The following BMP7 variants were observed in gnomAD, a reference collection of about 807,000 sequenced individuals.
BMP7 encodes osteogenic protein 1.
Under a neutral mutation model 41.2 loss-of-function variants are expected in BMP7, and 12 were observed. The observed-to-expected ratio is 0.29, with a 90% CI of 0.19 to 0.47. BMP7 has a LOEUF of 0.47. Ranked by LOEUF, BMP7 falls within the 20% of genes least tolerant of loss-of-function variation. The pLI is 0.99. For synonymous variants in BMP7, 248 were observed against 250.0 expected (o/e 0.99, Z 0.07); for missense variants, 467 against 606.0 (o/e 0.77, Z 2.41).
rs553542527 is a variant in BMP7 at position 57,191,248 on chromosome 20, A to G, written c.761-7329T>C. 1.2e-4 allele frequency among the ~76,000 whole-genome samples: 18 copies of G among 152,290 alleles called. No individual in the cohort carries two copies. In the South Asian group the frequency reaches 3.7e-3, roughly 32 times the overall value. ...AGATTCATTTACTGAACACGTGTTC[A>G]TGCCTCGGGTACTGAGCCCAGCACT... is the stretch of plus-strand genomic sequence containing the variant. On this transcript the variant is annotated intron_variant, in intron 3 of 6. Transcript: ENST00000395863.
intron 1 of BMP7, among the ~76,000 whole-genome samples, chr20:57,260,724 T>C (rs933691977): frequency 9.2e-5 from 14 of 152,252 alleles, no homozygotes; most frequent in African/African-American, 3.1e-4. Context: ...CGCACATTCC[T>C]TCTGACAATA....
intron 2 of BMP7, among the ~76,000 whole-genome samples, chr20:57,211,089 G>A (rs1246734699): frequency 4.6e-5 from 7 of 152,186 alleles, no homozygotes; most frequent in South Asian, 2.1e-4. Flanking sequence ...GGAATCACCC[G>A]GCTGGTGGCC....
chr20:57,265,042 A>AAAAAAAAAAAAAAAG (rs1555819055), intron 1 of BMP7, among the ~76,000 whole-genome samples: 29 of 120,132 alleles, frequency 2.4e-4, no homozygotes, highest in Non-Finnish European at 4.0e-4. Context: ...AAAAAAAAAA[A>AAAAAAAAAAAAAAAG]AAAAGAAAAG....
intron 2 of BMP7, among the ~76,000 whole-genome samples, chr20:57,207,779 G>A (rs2123095426): frequency 6.7e-6 from 1 of 150,138 alleles, no homozygotes; most frequent in South Asian, 2.1e-4. Flanking sequence ...AACTGAAATA[G>A]GAAGGTCTTT....
chr20:57,233,939 C>G (rs999830706), intron 1 of BMP7, among the ~76,000 whole-genome samples: 2 of 152,170 alleles, frequency 1.3e-5, no homozygotes, highest in Non-Finnish European at 2.9e-5. Flanking sequence ...GTTACAAACA[C>G]GAGAAAACAG....
intron 2 of BMP7, among the ~76,000 whole-genome samples, chr20:57,204,741 C>T (rs981758978): frequency 2.6e-5 from 4 of 152,198 alleles, no homozygotes; most frequent in Admixed American, 6.5e-5. Context: ...CACAGATGGG[C>T]GCAGGAGTCA....
rs1600724833 is a variant in BMP7, at chr20:57,169,583, A to G, written c.*1376T>C. 6.6e-6 allele frequency: 1 copy of G among 152,148 alleles called. No homozygotes were observed. The highest frequency in any genetic ancestry group is 1.9e-4 in the East Asian group (1 of 5,182). 9.4% of individuals were successfully genotyped at this position (152,148 alleles called of 1,614,324 possible). On this transcript the variant is annotated 3_prime_UTR_variant, in exon 7 of 7. Transcript: ENST00000395863. ...CATCTCCCCCTTAATTCAAGGAGCAAATTTGTTTGCAGAGACTTCTGATCA... is the reference window on the plus strand; with the variant it reads ...CATCTCCCCCTTAATTCAAGGAGCAGATTTGTTTGCAGAGACTTCTGATCA...
At chr20:57,246,370 C>T (rs1356867252) in intron 1 of BMP7, among the ~76,000 whole-genome samples, 4 of 152,194 alleles carry the variant, frequency 2.6e-5, no homozygotes, top group Admixed American at 2.6e-4. Context: ...CTTTGATAAG[C>T]AAAGATACAG....
intron 4 of BMP7, among the ~76,000 whole-genome samples, chr20:57,182,886 G>A (rs769031056): frequency 5.9e-5 from 9 of 152,132 alleles, no homozygotes; most frequent in Admixed American, 1.3e-4. Flanking sequence ...AAAACCTATC[G>A]TAAATAAACA....
rs182730330 is a variant in BMP7 at position 57,215,017 on chromosome 20, A to T, written c.612-12394T>A. The T allele has an allele frequency of 6.6e-6, 1 of 152,294 alleles. No individual in the cohort carries two copies. The highest frequency in any genetic ancestry group is 1.5e-5 in the Non-Finnish European group (1 of 68,034). 9.4% of individuals were successfully genotyped at this position (152,294 alleles called of 1,614,324 possible). On this transcript the variant is annotated intron_variant, in intron 2 of 6. Transcript: ENST00000395863. The surrounding 1 kb of genome is among the most constrained non-coding windows in gnomAD (Gnocchi z 4.2). ...AGAGAAATGGTAAATACTTTTTCAG[A>T]TTATTCAGGTAGCTCCAGAAATGGC...
In BMP7 at chr20:57,266,598, T is replaced by G. The variant is rs1395350754; in HGVS notation, c.-476A>C. 6.6e-6 allele frequency: 1 copy of G among 152,468 alleles called. No individual in the cohort carries two copies. Among genetic ancestry groups the G allele is most frequent in the Admixed American group, 6.5e-5 (1 of 15,290 alleles). The allele number at this position is 152,468 out of a possible 1,614,324, so 9.4% of individuals were successfully genotyped here. ...GCCCCGGGGCGCTCTCCCAGCCTTG[T>G]GCGCCCTGGATCGCACAAGAGGCCG... On this transcript the variant is annotated 5_prime_UTR_variant, in exon 1 of 7. Transcript: ENST00000395863.
intron 2 of BMP7, among the ~76,000 whole-genome samples, chr20:57,222,854 A>G (rs764777500): frequency 2.4e-4 from 5 of 20,674 alleles, no homozygotes; most frequent in Non-Finnish European, 4.5e-4. Context: ...GGAAGCTTCC[A>G]GAAGCTTCCA....
intron 1 of BMP7, among the ~76,000 whole-genome samples, chr20:57,252,858 ACTTTGCCCCCCAG>A: frequency 6.6e-6 from 1 of 152,348 alleles, no homozygotes; most frequent in East Asian, 1.9e-4. Flanking sequence ...ACTGGGGGCA[ACTTTGCCCCCCAG>A]GGTACAGTTA....
chr20:57,176,453 C>T (rs945218130), intron 4 of BMP7, among the ~76,000 whole-genome samples: 5 of 152,158 alleles, frequency 3.3e-5, no homozygotes, highest in Admixed American at 6.5e-5. Context: ...GAAGGCTCAT[C>T]CCATATAGAA....
intron 3 of BMP7, among the ~76,000 whole-genome samples, chr20:57,192,716 T>A (rs1458396298): frequency 1.3e-5 from 2 of 151,934 alleles, no homozygotes; most frequent in Non-Finnish European, 2.9e-5. Flanking sequence ...AATAGTTTTT[T>A]TTTAAAGCCT....
At chr20:57,202,717 G>T in intron 2 of BMP7, 94 bp from the exon 3 acceptor site, 3 of 1,185,728 alleles carry the variant, frequency 2.5e-6, no homozygotes, top group Non-Finnish European at 3.6e-6. Context: ...TGGGGTGGGA[G>T]GGGAGGGAAA....
At chr20:57,178,215 C>T (rs1302746742) in intron 4 of BMP7, among the ~76,000 whole-genome samples, 2 of 152,162 alleles carry the variant, frequency 1.3e-5, no homozygotes, top group Non-Finnish European at 2.9e-5. Context: ...GCAGTGGGGA[C>T]GAGGCGCCCT....
chr20:57,260,626 T>C (rs1254592604), intron 1 of BMP7, among the ~76,000 whole-genome samples: 1 of 152,260 alleles, frequency 6.6e-6, no homozygotes, highest in African/African-American at 2.4e-5. Context: ...CAATTCAATA[T>C]ATTGATTTTA....
At chr20:57,209,249 T>TTTATA in intron 2 of BMP7, among the ~76,000 whole-genome samples, 1 of 94,870 alleles carries the variant, frequency 1.1e-5, no homozygotes, top group South Asian at 4.0e-4. Flanking sequence ...TTATATATTT[T>TTTATA]TATATATATA....
Sources: allele counts gnomAD v4.1 joint callset (sites outside exome capture counted in the v4.1 genomes callset), GRCh38; gene constraint gnomAD v4.1.1; non-coding constraint Gnocchi (gnomAD v3.1); transcripts MANE v1.5; gene names NCBI Gene and HGNC (gene_info 2026-07-23, HGNC 2026-07-21).